EGF: variants seen among roughly 807,000 people sequenced by gnomAD.
The protein encoded by EGF is epidermal growth factor.
In EGF, 95 loss-of-function variants were observed where a neutral mutation model predicts 143.8. That is an observed-to-expected ratio of 0.66 (90% CI 0.56 to 0.78). The LOEUF (loss-of-function observed/expected upper bound fraction) is 0.78. Ranked by LOEUF, EGF falls within the 30% of genes least tolerant of loss-of-function variation. The probability of loss-of-function intolerance (pLI) is 0.00; values close to 1 mark genes in which losing one functional copy is unlikely to be tolerated. For missense variants in EGF, 1,320 were observed against 1,470.9 expected (o/e 0.90, Z 1.68); for synonymous variants, 510 against 510.5 (o/e 1.00, Z 0.01).
rs1156799750 is a variant in EGF, at chr4:109,913,021, T to C, written c.-315T>C. 2 of 347,170 alleles carry C rather than the reference T, an allele frequency of 5.8e-6. No homozygotes were observed. Among genetic ancestry groups the C allele is most frequent in the Non-Finnish European group, 1.1e-5 (2 of 179,952 alleles). 21.5% of individuals were successfully genotyped at this position (347,170 alleles called of 1,614,324 possible). A position where few individuals can be genotyped will look rare whatever the true frequency, so the allele number is the denominator to read the frequency against. On this transcript the variant is annotated 5_prime_UTR_variant, in exon 1 of 24. Coordinates refer to ENST00000265171, the MANE Select transcript of EGF (RefSeq NM_001963.6). Reference sequence around the variant, plus strand: ...AAGCCTTTGCCTTGCTCTGTCACAGTGAAGTCAGCCAGAGCAGGGCTGTTA... The same window carrying C: ...AAGCCTTTGCCTTGCTCTGTCACAGCGAAGTCAGCCAGAGCAGGGCTGTTA...
chr4:109,941,932 G>A (rs888190614), intron 2 of EGF, among the ~76,000 whole-genome samples: 6 of 152,224 alleles, frequency 3.9e-5, no homozygotes, highest in Admixed American at 3.9e-4. Context: ...ATTACAAAGA[G>A]CACATGACTA....
intron 22 of EGF, among the ~76,000 whole-genome samples, chr4:110,006,967 A>G (rs1297266384): frequency 1.3e-5 from 2 of 152,210 alleles, no homozygotes; most frequent in African/African-American, 4.8e-5. Flanking sequence ...TTCTTCTGAC[A>G]GAGAGGCACG....
chr4:109,916,366 G>C (rs932460448), intron 1 of EGF, among the ~76,000 whole-genome samples: 5 of 152,184 alleles, frequency 3.3e-5, no homozygotes, highest in Non-Finnish European at 5.9e-5. Context: ...ATTGAGCTTA[G>C]TGGTAAAGAA....
At chr4:110,004,246 AC>A in intron 21 of EGF, 3 of 490,882 alleles carry the variant, frequency 6.1e-6, no homozygotes, top group Non-Finnish European at 7.4e-6. Flanking sequence ...ACACACACAC[AC>A]ACACAAACAC....
intron 1 of EGF, among the ~76,000 whole-genome samples, chr4:109,917,956 G>A (rs777197453): frequency 2.6e-5 from 4 of 152,044 alleles, no homozygotes; most frequent in Admixed American, 6.6e-5. Flanking sequence ...TCCAGACTCC[G>A]TTCCATCAGT....
In EGF at chr4:110,002,287, G is replaced by A. The variant is rs182159842; in HGVS notation, c.3174-2218G>A. Among the ~76,000 whole-genome samples the A allele has an allele frequency of 4.3e-3, 659 of 152,198 alleles. 6 individuals are homozygous for A. The highest frequency in any genetic ancestry group is 0.014 in the Middle Eastern group (4 of 294). ...ACAGGCAGATTGCTTGAGCCCAGGA[G>A]TTCAAACCAACCTGGGCACCATGGC... On this transcript the variant is annotated intron_variant, in intron 21 of 23. Coordinates refer to ENST00000265171, the MANE Select transcript of EGF (RefSeq NM_001963.6).
Position 109,969,100 on chromosome 4 carries a change from T to C in EGF, c.1705T>C (p.Phe569Leu). 1 of 1,614,088 alleles carries C rather than the reference T, an allele frequency of 6.2e-7. No individual in the cohort carries two copies. Among genetic ancestry groups the C allele is most frequent in the Non-Finnish European group, 8.5e-7 (1 of 1,179,980 alleles). The part of the protein sequence containing the change: ...GLAVDWIGRR[F>L]YWTDRGKSLI... The stretch of plus-strand genomic sequence containing the variant: ...TGCTGTGGACTGGATTGGCCGTAGA[T>C]TCTATTGGACAGACAGAGGGTATGT... The change falls in exon 11 of 24, where the codon TTC (phenylalanine) becomes CTC (leucine). Residue 569 changes from phenylalanine to leucine, a missense_variant. Transcript: ENST00000265171.
chr4:109,987,062 T>C (rs1317400441), intron 16 of EGF, among the ~76,000 whole-genome samples: 2 of 152,166 alleles, frequency 1.3e-5, no homozygotes, highest in Admixed American at 6.5e-5. Context: ...CTTTGGGGGA[T>C]AAGAATAGAT....
intron 1 of EGF, among the ~76,000 whole-genome samples, chr4:109,919,592 C>T (rs12640600): frequency 0.54 from 81,813 of 150,328 alleles, 25,152 homozygotes; most frequent in African/African-American, 0.84. Flanking sequence ...AAGAGGACTT[C>T]AGTAAAAGTT....
At chr4:109,918,711 C>T (rs550553620) in intron 1 of EGF, among the ~76,000 whole-genome samples, 1 of 152,146 alleles carries the variant, frequency 6.6e-6, no homozygotes, top group Non-Finnish European at 1.5e-5. Context: ...AACGAGGAAA[C>T]AATTGTTATG....
chr4:109,931,653 AAAAAAAG>A (rs1234312026), intron 1 of EGF, among the ~76,000 whole-genome samples: 1 of 152,196 alleles, frequency 6.6e-6, no homozygotes, highest in Non-Finnish European at 1.5e-5. Flanking sequence ...TGCCTGGTCA[AAAAAAAG>A]AAAAAAGAAA....
intron 1 of EGF, among the ~76,000 whole-genome samples, chr4:109,925,426 T>G (rs976274617): frequency 2.6e-5 from 4 of 152,256 alleles, no homozygotes; most frequent in Admixed American, 6.5e-5. Flanking sequence ...TCAGACAAGA[T>G]TCTAAGCACT....
chr4:109,965,177 G>A (rs1364897559), intron 10 of EGF, among the ~76,000 whole-genome samples: 1 of 152,074 alleles, frequency 6.6e-6, no homozygotes, highest in Non-Finnish European at 1.5e-5. Context: ...TTGAAATGAT[G>A]TTACAGTGTG....
chr4:109,981,194 T>C (rs1293518782), intron 15 of EGF, among the ~76,000 whole-genome samples: 1 of 152,170 alleles, frequency 6.6e-6, no homozygotes, highest in East Asian at 1.9e-4. Flanking sequence ...GTAACAGTCT[T>C]AAGCTCCAAG....
chr4:109,944,856 G>A (rs1742566616), intron 4 of EGF, among the ~76,000 whole-genome samples: 1 of 152,164 alleles, frequency 6.6e-6, no homozygotes, highest in Non-Finnish European at 1.5e-5. Context: ...AGAAGAATGA[G>A]ACAATGGATC....
chr4:109,956,920 C>A (rs1280420514), intron 5 of EGF, among the ~76,000 whole-genome samples: 1 of 152,134 alleles, frequency 6.6e-6, no homozygotes, highest in African/African-American at 2.4e-5. Flanking sequence ...TTCACTAGTA[C>A]ATTAGGCCAG....
At chr4:110,000,641 C>A (rs1477030731) in intron 21 of EGF, among the ~76,000 whole-genome samples, 1 of 152,210 alleles carries the variant, frequency 6.6e-6, no homozygotes, top group Admixed American at 6.5e-5. Flanking sequence ...AACATTTATA[C>A]ATTTAATTCT....
At chr4:109,937,174 T>C (rs939569489) in intron 1 of EGF, among the ~76,000 whole-genome samples, 2 of 152,132 alleles carry the variant, frequency 1.3e-5, no homozygotes, top group Admixed American at 1.3e-4. Context: ...TCTAAGTCTC[T>C]TTGTAGGTCT....
intron 16 of EGF, 85 bp from the exon 17 acceptor site, chr4:109,987,659 G>A: frequency 9.1e-7 from 1 of 1,100,030 alleles, no homozygotes; most frequent in South Asian, 1.2e-5. Flanking sequence ...GGAAGTGGTG[G>A]ACTGTTCTGT....
Sources: allele counts gnomAD v4.1 joint callset (sites outside exome capture counted in the v4.1 genomes callset), GRCh38; gene constraint gnomAD v4.1.1; transcripts MANE v1.5; gene names NCBI Gene and HGNC (gene_info 2026-07-23, HGNC 2026-07-21).